Variants in ARHGAP10 observed in about 807,000 individuals in gnomAD.
The protein encoded by ARHGAP10 is rho GTPase-activating protein 10.
A neutral mutation model predicts 108.6 loss-of-function variants in ARHGAP10; 87 were observed. The observed-to-expected ratio is 0.80, with a 90% CI of 0.67 to 0.96. The LOEUF (loss-of-function observed/expected upper bound fraction) is 0.96. ARHGAP10 is among the 40% of genes least tolerant of loss of function. The pLI is 0.00. For missense variants in ARHGAP10, 939 were observed against 954.5 expected (o/e 0.98, Z 0.21); for synonymous variants, 347 against 341.1 (o/e 1.02, Z -0.19).
intron 5 of ARHGAP10, chr4:147,858,494 C>G (rs888494937): frequency 6.6e-6 from 1 of 152,192 alleles, no homozygotes; most frequent in Non-Finnish European, 1.5e-5. Flanking sequence ...GTTACATACT[C>G]TGTGTGTGTA....
chr4:148,039,120 G>T (rs984098438), intron 19 of ARHGAP10, among the ~76,000 whole-genome samples: 1 of 150,984 alleles, frequency 6.6e-6, no homozygotes, highest in Non-Finnish European at 1.5e-5. Flanking sequence ...CTTTTCTTTT[G>T]TCTTAGATTT....
At chr4:148,008,923 A>C (rs1238848582) in intron 18 of ARHGAP10, among the ~76,000 whole-genome samples, 1 of 152,212 alleles carries the variant, frequency 6.6e-6, no homozygotes, top group Non-Finnish European at 1.5e-5. Context: ...AGAGATTTGC[A>C]AAATGTGATA....
chr4:147,838,804 A>G (rs964595018), intron 3 of ARHGAP10, among the ~76,000 whole-genome samples: 3 of 152,240 alleles, frequency 2.0e-5, no homozygotes, highest in Non-Finnish European at 4.4e-5. Context: ...GCTTTATAAA[A>G]TTACTGAATA....
chr4:147,862,528 C>T (rs954072856), intron 5 of ARHGAP10: 8 of 152,330 alleles, frequency 5.3e-5, no homozygotes, highest in African/African-American at 1.7e-4. Flanking sequence ...CTGCACTTTG[C>T]CCTCTGCAGC....
chr4:147,878,293 C>G (rs1735162265), intron 8 of ARHGAP10, among the ~76,000 whole-genome samples: 1 of 152,168 alleles, frequency 6.6e-6, no homozygotes, highest in African/African-American at 2.4e-5. Context: ...GACAGGGTTT[C>G]ACAACGTTGG....
intron 1 of ARHGAP10, among the ~76,000 whole-genome samples, chr4:147,756,017 A>G (rs749688711): frequency 4.0e-5 from 6 of 151,880 alleles, no homozygotes; most frequent in Non-Finnish European, 7.4e-5. Context: ...TAATAAGTCA[A>G]TAGTAGGTGG....
intron 7 of ARHGAP10, among the ~76,000 whole-genome samples, chr4:147,873,961 C>A (rs573178023): frequency 6.6e-6 from 1 of 151,576 alleles, no homozygotes; most frequent in South Asian, 2.1e-4. Context: ...GTTCTACTTT[C>A]TTTGCGGGCT....
rs1320821157 is a variant in ARHGAP10 at position 147,827,192 on chromosome 4, TA to T, written c.312+4238del. On this transcript the variant is annotated intron_variant, in intron 3 of 22. Coordinates refer to ENST00000336498, the MANE Select transcript of ARHGAP10 (RefSeq NM_024605.4). ...GTCACTGATCACTTTTTTTTTTTTT[TA>T]AAGTGGAATCACTGTGGCTACCTTT... 7.4e-5 allele frequency among the ~76,000 whole-genome samples: 11 copies of T among 149,470 alleles called. No homozygotes were observed. The South Asian group carries it at 2.3e-3, about 31-fold the overall frequency.
chr4:147,767,574 C>T (rs1344579528), intron 1 of ARHGAP10, among the ~76,000 whole-genome samples: 1 of 152,000 alleles, frequency 6.6e-6, no homozygotes, highest in African/African-American at 2.4e-5. Context: ...TCTTGAAAAT[C>T]TAGGCATAAG....
rs576010861 is a variant in ARHGAP10, at chr4:147,815,360, C to T, written c.155-7367C>T. Among the ~76,000 whole-genome samples the T allele has an allele frequency of 3.9e-5, 6 of 152,260 alleles. No homozygotes were observed. In the South Asian group the frequency reaches 1.2e-3, roughly 32 times the overall value. ...TAAGGTGTGGTAGCCAGAATGGTGG[C>T]CCTCCAGTGATGTCCTGTCCTAATC... On this transcript the variant is annotated intron_variant, in intron 1 of 22. Transcript: ENST00000336498.
chr4:147,751,410 C>T (rs1729143636), intron 1 of ARHGAP10, among the ~76,000 whole-genome samples: 1 of 151,364 alleles, frequency 6.6e-6, no homozygotes, highest in African/African-American at 2.4e-5. Flanking sequence ...TCCACCCAGG[C>T]CAGGGTGCAG....
intron 1 of ARHGAP10, among the ~76,000 whole-genome samples, chr4:147,735,919 T>C (rs891444998): frequency 1.3e-5 from 2 of 152,246 alleles, no homozygotes; most frequent in Non-Finnish European, 2.9e-5. Flanking sequence ...TTCAGTTGCT[T>C]ATGATTCATA....
At chr4:147,748,118 C>T (rs1354423300) in intron 1 of ARHGAP10, among the ~76,000 whole-genome samples, 1 of 152,234 alleles carries the variant, frequency 6.6e-6, no homozygotes, top group Non-Finnish European at 1.5e-5. Context: ...GTAATCTAAA[C>T]CCAGATACTC....
chr4:147,955,776 G>A (rs369731591), intron 16 of ARHGAP10, among the ~76,000 whole-genome samples: 6 of 152,120 alleles, frequency 3.9e-5, no homozygotes, highest in African/African-American at 1.4e-4. Flanking sequence ...GGAGAGATTA[G>A]TAGTTTGGAG....
chr4:147,936,317 CTTTTTTTTT>C (rs765432394), intron 13 of ARHGAP10, among the ~76,000 whole-genome samples: 2 of 97,852 alleles, frequency 2.0e-5, no homozygotes, highest in African/African-American at 4.1e-5. Flanking sequence ...CTTTTCCTCT[CTTTTTTTTT>C]TTTTTTTTTT....
chr4:147,960,440 A>G (rs769413028), intron 16 of ARHGAP10, among the ~76,000 whole-genome samples: 2 of 152,222 alleles, frequency 1.3e-5, no homozygotes, highest in Non-Finnish European at 2.9e-5. Context: ...CTAAGTGTTC[A>G]TAAAATCGAT....
intron 19 of ARHGAP10, among the ~76,000 whole-genome samples, chr4:148,033,238 G>A (rs1040120653): frequency 6.6e-6 from 1 of 152,014 alleles, no homozygotes; most frequent in African/African-American, 2.4e-5. Flanking sequence ...CTATTGTATG[G>A]ATGTACTTAT....
intron 4 of ARHGAP10, among the ~76,000 whole-genome samples, chr4:147,851,221 T>G (rs1056123541): frequency 2.0e-5 from 3 of 152,006 alleles, no homozygotes; most frequent in Admixed American, 6.6e-5. Context: ...ACCAGACCTC[T>G]ACTCCAAATT....
intron 1 of ARHGAP10, among the ~76,000 whole-genome samples, chr4:147,801,867 T>C (rs897968133): frequency 1.3e-5 from 2 of 152,156 alleles, no homozygotes; most frequent in Non-Finnish European, 2.9e-5. Flanking sequence ...AAGTTAACTG[T>C]TAAGTTGTTT....
Sources: allele counts gnomAD v4.1 joint callset (sites outside exome capture counted in the v4.1 genomes callset), GRCh38; gene constraint gnomAD v4.1.1; transcripts MANE v1.5; gene names NCBI Gene and HGNC (gene_info 2026-07-23, HGNC 2026-07-21).